Variants in ST18 observed in about 807,000 individuals in gnomAD.
The protein encoded by ST18 is ST18 C2H2C-type zinc finger transcription factor.
Under a neutral mutation model 110.0 loss-of-function variants are expected in ST18, and 50 were observed. The observed-to-expected ratio is 0.45, with a 90% CI of 0.36 to 0.58. The LOEUF is 0.58. Among genes scored for constraint, ST18 ranks in the 20% least tolerant of loss-of-function variants. The probability of loss-of-function intolerance (pLI) is 0.00; values close to 1 mark genes in which losing one functional copy is unlikely to be tolerated. For missense variants in ST18, 1,306 were observed against 1,280.1 expected, an observed-to-expected ratio of 1.02 and a Z score of -0.31; for synonymous variants, 461 against 452.4, an observed-to-expected ratio of 1.02 and a Z score of -0.24.
intron 2 of ST18, among the ~76,000 whole-genome samples, chr8:52,353,592 G>A (rs1229262019): frequency 6.6e-6 from 1 of 152,194 alleles, no homozygotes; most frequent in Non-Finnish European, 1.5e-5. Context: ...ATATTAATGG[G>A]AGGCAAAGTG....
At chr8:52,268,120 C>T (rs6992280) in intron 2 of ST18, among the ~76,000 whole-genome samples, 8,593 of 152,160 alleles carry the variant, frequency 0.056, 822 homozygotes, top group African/African-American at 0.2. Context: ...CATTTTGGTC[C>T]AGTGTGAATG....
intron 8 of ST18, among the ~76,000 whole-genome samples, chr8:52,208,551 G>C (rs2080951599): frequency 6.6e-6 from 1 of 152,368 alleles, no homozygotes; most frequent in East Asian, 1.9e-4. Context: ...TTGGGGCTGG[G>C]CGCGGTGGCT....
At chr8:52,392,405 C>T (rs1306227707) in intron 2 of ST18, among the ~76,000 whole-genome samples, 9 of 151,784 alleles carry the variant, frequency 5.9e-5, no homozygotes, top group Non-Finnish European at 5.9e-5. Context: ...GAGTGGTTCA[C>T]TATACTGGGA....
chr8:52,129,451 CAAAAAAAAAAA>C (rs34059224), intron 22 of ST18, among the ~76,000 whole-genome samples: 8 of 72,246 alleles, frequency 1.1e-4, no homozygotes, highest in African/African-American at 3.6e-4. Context: ...GAGACTCCAT[CAAAAAAAAAAA>C]AAAAAAAAAA....
chr8:52,180,319 T>A lies in ST18; in HGVS notation c.87-7A>T. On this transcript the variant is annotated splice_region_variant and splice_polypyrimidine_tract_variant and intron_variant, in intron 8 of 25. Coordinates refer to ENST00000689386, the MANE Select transcript of ST18 (RefSeq NM_001352837.2). Reference sequence around the variant, plus strand: ...GGAGCAATCATAGGCAACACTGTAGTGATTGAGGAAAATTAAGAATATGGT... The same window carrying A: ...GGAGCAATCATAGGCAACACTGTAGAGATTGAGGAAAATTAAGAATATGGT... The A allele has an allele frequency of 6.2e-7, 1 of 1,613,094 alleles. No homozygotes were observed. The highest frequency in any genetic ancestry group is 8.5e-7 in the Non-Finnish European group (1 of 1,179,354).
intron 9 of ST18, among the ~76,000 whole-genome samples, chr8:52,179,240 A>G (rs932874292): frequency 6.6e-6 from 1 of 152,204 alleles, no homozygotes; most frequent in African/African-American, 2.4e-5. Flanking sequence ...GTGATCAGTG[A>G]TATTCAAACT....
intron 2 of ST18, among the ~76,000 whole-genome samples, chr8:52,344,766 G>C (rs190807283): frequency 2.0e-5 from 3 of 152,118 alleles, no homozygotes; most frequent in African/African-American, 7.2e-5. Flanking sequence ...TACATCACCT[G>C]AGATTATTAA....
In ST18 at chr8:52,145,046, T is replaced by C. The variant is rs569915933; in HGVS notation, c.2053-2001A>G. Among the ~76,000 whole-genome samples, 31 of 148,868 alleles carry C rather than the reference T, an allele frequency of 2.1e-4. No individual in the cohort carries two copies. In the South Asian group the frequency reaches 6.3e-3, roughly 30 times the overall value. The stretch of plus-strand genomic sequence containing the variant: ...GTGGAACAGCCTTTGTTTTTCTGTT[T>C]AGATGCTGATTTTTTTTTTTTTTTA... On this transcript the variant is annotated intron_variant, in intron 16 of 25. Coordinates refer to ENST00000689386, the MANE Select transcript of ST18 (RefSeq NM_001352837.2).
chr8:52,150,437 A>G (rs1354475754), intron 15 of ST18, among the ~76,000 whole-genome samples: 1 of 152,234 alleles, frequency 6.6e-6, no homozygotes, highest in Admixed American at 6.5e-5. Context: ...AACCCTTCAA[A>G]TCATAATATT....
At chr8:52,207,714 G>A (rs909759384) in intron 8 of ST18, among the ~76,000 whole-genome samples, 6 of 152,156 alleles carry the variant, frequency 3.9e-5, no homozygotes, top group Non-Finnish European at 7.3e-5. Context: ...TGAACGGACA[G>A]AGAGATTTGA....
chr8:52,383,233 C>T (rs557969395), intron 2 of ST18, among the ~76,000 whole-genome samples: 5 of 152,214 alleles, frequency 3.3e-5, no homozygotes, highest in African/African-American at 9.6e-5. Flanking sequence ...CTCAGTATGC[C>T]TTACTGCTAG....
chr8:52,383,878 G>T (rs1196890061), intron 2 of ST18, among the ~76,000 whole-genome samples: 1 of 152,210 alleles, frequency 6.6e-6, no homozygotes, highest in Non-Finnish European at 1.5e-5. Flanking sequence ...CTCCTGAGTA[G>T]CTGGGACTAT....
At chr8:52,295,554 T>G (rs985954384) in intron 2 of ST18, among the ~76,000 whole-genome samples, 6 of 152,116 alleles carry the variant, frequency 3.9e-5, no homozygotes. Context: ...TTTTGCCTGA[T>G]GCAAAATTTC....
intron 2 of ST18, among the ~76,000 whole-genome samples, chr8:52,253,772 T>C (rs540619127): frequency 1.8e-3 from 276 of 152,244 alleles, no homozygotes; most frequent in Non-Finnish European, 3.4e-3. Flanking sequence ...CTTTACTTTT[T>C]TGCTAAGCAA....
At position 52,172,496 on chromosome 8, in the gene ST18, T is replaced by A. The variant is rs373262592; in HGVS notation, c.365A>T (p.Tyr122Phe). 9 of 1,613,740 alleles carry A rather than the reference T, an allele frequency of 5.6e-6. No homozygotes were observed. The East Asian group carries it at 1.6e-4, about 28-fold the overall frequency. The change falls in exon 10 of 26, where the codon TAT becomes TTT. Residue 122 changes from tyrosine to phenylalanine, a missense_variant. Physicochemically the swap from Tyr to Phe is conservative, Grantham distance 22. Transcript: ENST00000689386. ...TAAAGACTTGACCATGAGCTCTTGA[T>A]AACAAGAGTATCTGTCTTCCTTCCT... Reference protein sequence around the residue: ...SSRKEDRYSCYQELMVKSLMH... With the variant: ...SSRKEDRYSCFQELMVKSLMH...
chr8:52,224,375 C>T (rs1218057219), intron 3 of ST18, among the ~76,000 whole-genome samples: 1 of 152,190 alleles, frequency 6.6e-6, no homozygotes, highest in Non-Finnish European at 1.5e-5. Context: ...CCTTTTGCCA[C>T]TTTATATTTA....
At chr8:52,397,599 T>C (rs930625016) in intron 2 of ST18, among the ~76,000 whole-genome samples, 12 of 152,214 alleles carry the variant, frequency 7.9e-5, no homozygotes, top group African/African-American at 2.9e-4. Flanking sequence ...GTCTTACATT[T>C]AGGCCTTTTA....
intron 2 of ST18, chr8:52,405,367 T>C (rs527844601): frequency 6.6e-6 from 1 of 152,210 alleles, no homozygotes; most frequent in African/African-American, 2.4e-5. Flanking sequence ...AAACTGCCTA[T>C]GCGCAGTCCA....
At chr8:52,238,403 A>G (rs2092978295) in intron 2 of ST18, among the ~76,000 whole-genome samples, 1 of 152,226 alleles carries the variant, frequency 6.6e-6, no homozygotes, top group Non-Finnish European at 1.5e-5. Flanking sequence ...GTATTAAATT[A>G]GTGCAACCTC....
Sources: allele counts gnomAD v4.1 joint callset (sites outside exome capture counted in the v4.1 genomes callset), GRCh38; gene constraint gnomAD v4.1.1; transcripts MANE v1.5; gene names NCBI Gene and HGNC (gene_info 2026-07-23, HGNC 2026-07-21).